Variants in PRICKLE2 observed in about 807,000 individuals in gnomAD.
PRICKLE2 encodes prickle planar cell polarity protein 2, also known as prickle-like protein 2.
A neutral mutation model predicts 81.4 loss-of-function variants in PRICKLE2; 21 were observed. The ratio of observed to expected loss-of-function variants is 0.26; its 90% confidence interval spans 0.18 to 0.37. The LOEUF (loss-of-function observed/expected upper bound fraction) is 0.37, where lower values mean the gene tolerates loss of function less well. Ranked by LOEUF, PRICKLE2 falls within the 10% of genes least tolerant of loss-of-function variation. The pLI, the probability that PRICKLE2 is intolerant of heterozygous loss-of-function variation, is 1.00. For synonymous variants in PRICKLE2, 456 were observed against 421.5 expected (o/e 1.08, Z -1.00); for missense variants, 940 against 1,109.0 (o/e 0.85, Z 2.16).
chr3:64,260,978 G>A (rs1267152489), intron 2 of PRICKLE2, among the ~76,000 whole-genome samples: 2 of 152,186 alleles, frequency 1.3e-5, no homozygotes, highest in African/African-American at 4.8e-5. Flanking sequence ...TCCTAGGCAG[G>A]AGAGTTCAGA....
intron 2 of PRICKLE2, among the ~76,000 whole-genome samples, chr3:64,172,021 C>T (rs1255152522): frequency 6.6e-6 from 1 of 152,202 alleles, no homozygotes; most frequent in Non-Finnish European, 1.5e-5. Context: ...AGTTGCTTTG[C>T]TCCTATGCCT....
chr3:64,219,687 G>T (rs921544703), intron 1 of PRICKLE2, among the ~76,000 whole-genome samples: 1 of 152,168 alleles, frequency 6.6e-6, no homozygotes, highest in African/African-American at 2.4e-5. Context: ...AAATAATGAG[G>T]TGTTTCTCAA....
At chr3:64,194,016 A>G (rs2078400931) in intron 2 of PRICKLE2, among the ~76,000 whole-genome samples, 1 of 152,242 alleles carries the variant, frequency 6.6e-6, no homozygotes, top group South Asian at 2.1e-4. Context: ...TGGTTGGTGG[A>G]ATTGTGAGTG....
chr3:64,168,848 A>G (rs2077882920), intron 2 of PRICKLE2, among the ~76,000 whole-genome samples: 1 of 152,230 alleles, frequency 6.6e-6, no homozygotes, highest in Non-Finnish European at 1.5e-5. Flanking sequence ...GGTATTACCC[A>G]GAACATAACC....
intron 6 of PRICKLE2, among the ~76,000 whole-genome samples, chr3:64,150,210 C>T (rs961306173): frequency 6.6e-6 from 1 of 152,042 alleles, no homozygotes; most frequent in Non-Finnish European, 1.5e-5. Context: ...CAAATCCCAG[C>T]TCCATCCCAC....
chr3:64,262,624 TA>T (rs1048365268), intron 2 of PRICKLE2, among the ~76,000 whole-genome samples: 66 of 142,090 alleles, frequency 4.6e-4, no homozygotes, highest in Admixed American at 1.5e-3. Flanking sequence ...GCGGCTGACC[TA>T]AAAAAAAAAA....
At chr3:64,118,122 A>G (rs1264272749) in intron 7 of PRICKLE2, among the ~76,000 whole-genome samples, 3 of 152,210 alleles carry the variant, frequency 2.0e-5, no homozygotes, top group African/African-American at 7.2e-5. Context: ...CTGCTAAATA[A>G]ATGGTGCTGG....
At chr3:64,202,690 T>C (rs954099721) in intron 1 of PRICKLE2, among the ~76,000 whole-genome samples, 1 of 151,436 alleles carries the variant, frequency 6.6e-6, no homozygotes, top group Non-Finnish European at 1.5e-5. Flanking sequence ...TAGAATTTTC[T>C]ATATATAAGA....
intron 1 of PRICKLE2, chr3:64,201,005 C>T (rs1364132535): frequency 6.6e-6 from 1 of 150,906 alleles, no homozygotes; most frequent in Non-Finnish European, 1.5e-5. Context: ...TCTCGGCTCA[C>T]TGCAAGCTCC....
intron 2 of PRICKLE2, among the ~76,000 whole-genome samples, chr3:64,195,830 T>C (rs1269127512): frequency 1.3e-5 from 2 of 152,236 alleles, no homozygotes; most frequent in Non-Finnish European, 2.9e-5. Flanking sequence ...TATAGAATTC[T>C]TAAAATAACT....
At chr3:64,129,571 C>T (rs1429969070) in intron 7 of PRICKLE2, among the ~76,000 whole-genome samples, 3 of 151,862 alleles carry the variant, frequency 2.0e-5, no homozygotes, top group Non-Finnish European at 4.4e-5. Flanking sequence ...ACTTGAGAAA[C>T]ACCGGTCTGA....
At chr3:64,249,831 T>A (rs114864490) in intron 2 of PRICKLE2, among the ~76,000 whole-genome samples, 3,102 of 152,324 alleles carry the variant, frequency 0.02, 70 homozygotes, top group South Asian at 0.027. Context: ...AAATAAGTAG[T>A]GCCTAGTATA....
intron 6 of PRICKLE2, among the ~76,000 whole-genome samples, chr3:64,151,817 TC>T (rs1229476503): frequency 2.0e-5 from 3 of 152,184 alleles, no homozygotes; most frequent in African/African-American, 7.2e-5. Context: ...ACTACTTTGA[TC>T]TTGTGAGACA....
At chr3:64,107,551 A>C (rs1421504807) in intron 7 of PRICKLE2, among the ~76,000 whole-genome samples, 1 of 152,134 alleles carries the variant, frequency 6.6e-6, no homozygotes, top group African/African-American at 2.4e-5. Flanking sequence ...GCCAACTTCA[A>C]AGATACATTA....
rs138859311 is a variant in PRICKLE2 at position 64,128,835 on chromosome 3, C to G, written c.1660+17995G>C. On this transcript the variant is annotated intron_variant, in intron 7 of 7. Transcript: ENST00000638394. ...AAGTGTTATTTTCACAGTACATATCCCCTCCCTCTCTCCTCCACCAAAGAA... is the reference window on the plus strand; with the variant it reads ...AAGTGTTATTTTCACAGTACATATCGCCTCCCTCTCTCCTCCACCAAAGAA... Among the ~76,000 whole-genome samples the G allele has an allele frequency of 3.2e-3, 488 of 151,744 alleles. 1 individual carries two copies. The highest frequency in any genetic ancestry group is 0.011 in the African/African-American group (459 of 41,326).
At chr3:64,184,040 T>C (rs1450580605) in intron 2 of PRICKLE2, among the ~76,000 whole-genome samples, 1 of 152,224 alleles carries the variant, frequency 6.6e-6, no homozygotes, top group Non-Finnish European at 1.5e-5. Context: ...AGAATTTCTG[T>C]TCTGTCTTGT....
intron 7 of PRICKLE2, chr3:64,101,648 C>G (rs1209035059): frequency 6.6e-6 from 1 of 152,160 alleles, no homozygotes; most frequent in African/African-American, 2.4e-5. Context: ...AATAAATACA[C>G]AAACAGGGAA....
chr3:64,135,686 A>G (rs1380168116), intron 7 of PRICKLE2, among the ~76,000 whole-genome samples: 2 of 113,390 alleles, frequency 1.8e-5, no homozygotes, highest in African/African-American at 6.9e-5. Flanking sequence ...ACGAGGAACG[A>G]TCACAGATCA....
chr3:64,155,011 T>A (rs1038237072), intron 5 of PRICKLE2: 1 of 151,806 alleles, frequency 6.6e-6, no homozygotes, highest in African/African-American at 2.4e-5. Flanking sequence ...CAGCTGGGCA[T>A]GGTGGTGCAT....
Sources: gnomAD v4.1 joint callset for allele counts (sites outside exome capture counted in the v4.1 genomes callset) on GRCh38, gnomAD v4.1.1 for gene constraint, MANE v1.5 for transcripts, NCBI Gene and HGNC (gene_info 2026-07-23, HGNC 2026-07-21) for gene names.